The following BORCS8 variants were observed in gnomAD, a reference collection of about 807,000 sequenced individuals.
The protein encoded by BORCS8 is BLOC-1-related complex subunit 8.
A neutral mutation model predicts 18.7 loss-of-function variants in BORCS8; 13 were observed. The ratio of observed to expected loss-of-function variants is 0.70; its 90% CI spans 0.45 to 1.11. The LOEUF (loss-of-function observed/expected upper bound fraction) is 1.11. Ranked by LOEUF, BORCS8 falls within the 50% of genes least tolerant of loss-of-function variation. BORCS8 has a pLI of 0.00. For missense variants in BORCS8, 165 were observed against 165.7 expected (o/e 1.00, Z 0.02); for synonymous variants, 68 against 64.8 (o/e 1.05, Z -0.24).
At chr19:19,178,039 A>C (rs1445099339) in intron 5 of BORCS8, 1 of 152,314 alleles carries the variant, frequency 6.6e-6, no homozygotes, top group Non-Finnish European at 1.5e-5. Context: ...GCCCGCCATC[A>C]CACCCGGCAG....
At position 19,186,113 on chromosome 19, in the gene BORCS8, G is replaced by A; in HGVS notation, c.151-15C>T. The A allele has an allele frequency of 1.3e-6, 2 of 1,551,402 alleles. No individual in the cohort carries two copies. The highest frequency in any genetic ancestry group is 1.2e-5 in the South Asian group (1 of 84,060). The stretch of plus-strand genomic sequence containing the variant: ...TGCATGTCTGCCTGTAGGGGGCGCA[G>A]GAGATATTTGGCAAGGGAGGCCACC... On this transcript the variant is annotated splice_polypyrimidine_tract_variant and intron_variant, in intron 2 of 5. Transcript: ENST00000462790.
intron 4 of BORCS8, chr19:19,181,832 G>A (rs770544495): frequency 4.7e-5 from 46 of 982,188 alleles, no homozygotes; most frequent in Non-Finnish European, 5.3e-5. Context: ...ATCTGTGGGA[G>A]CCAGACGCAT....
chr19:19,184,725 G>A (rs1207312282), intron 3 of BORCS8, among the ~76,000 whole-genome samples: 6 of 151,928 alleles, frequency 3.9e-5, no homozygotes, highest in Non-Finnish European at 8.8e-5. Flanking sequence ...TCAGCATCCC[G>A]AGTAGCTGGG....
At chr19:19,188,324 G>A (rs914198793) in intron 1 of BORCS8, among the ~76,000 whole-genome samples, 4 of 152,120 alleles carry the variant, frequency 2.6e-5, no homozygotes, top group East Asian at 1.9e-4. Flanking sequence ...CACCGCGCCC[G>A]GCTCATTTTT....
intron 1 of BORCS8, among the ~76,000 whole-genome samples, chr19:19,187,773 G>A (rs964328639): frequency 1.3e-5 from 2 of 151,808 alleles, no homozygotes; most frequent in South Asian, 2.1e-4. Flanking sequence ...TCCTGACCTC[G>A]TGATCCGCTC....
chr19:19,177,689 G>GGA lies in BORCS8; in HGVS notation c.*43-230_*43-229insTC, dbSNP rs1398792933. 5.7e-3 allele frequency: 329 copies of GGA among 57,260 alleles called. 16 individuals are homozygous for GGA. The highest frequency in any genetic ancestry group is 0.02 in the African/African-American group (311 of 15,420). The allele number at this position is 57,260 out of a possible 1,614,324, so 3.5% of individuals were successfully genotyped here. On this transcript the variant is annotated intron_variant, in intron 5 of 5. Transcript: ENST00000462790. ...GGAAGGAAGGAAGGAAGGAAGGAAGGAAGGAAGAGAAAAGAAAAGAAAAGA... is the reference window on the plus strand; with the variant it reads ...GGAAGGAAGGAAGGAAGGAAGGAAGGGAAAGGAAGAGAAAAGAAAAGAAAAGA...
At chr19:19,184,230 G>A (rs929421705) in intron 3 of BORCS8, among the ~76,000 whole-genome samples, 3 of 151,394 alleles carry the variant, frequency 2.0e-5, no homozygotes, top group African/African-American at 7.3e-5. Context: ...CATGGCGTAG[G>A]TTCCTGGATT....
intron 3 of BORCS8, among the ~76,000 whole-genome samples, chr19:19,184,610 G>GT (rs999342576): frequency 6.6e-6 from 1 of 150,774 alleles, no homozygotes; most frequent in African/African-American, 2.4e-5. Context: ...TCTGTTTTTT[G>GT]TTTTTTTGAG....
chr19:19,190,467 C>T (rs996274395), intron 1 of BORCS8, among the ~76,000 whole-genome samples: 1 of 152,212 alleles, frequency 6.6e-6, no homozygotes, highest in Non-Finnish European at 1.5e-5. Context: ...TGTGTGACCT[C>T]TTACCAGATA....
rs559165679 is a variant in BORCS8, at chr19:19,187,533, G to A, written c.38-528C>T. On this transcript the variant is annotated intron_variant, in intron 1 of 5. Coordinates refer to ENST00000462790, the MANE Select transcript of BORCS8 (RefSeq NM_001145784.2). ...ACATAATGAGTGATGAGTTCATAACGAGTAAACTTCTTTTTTTTTTTTTTG... is the reference window on the plus strand; with the variant it reads ...ACATAATGAGTGATGAGTTCATAACAAGTAAACTTCTTTTTTTTTTTTTTG... Among the ~76,000 whole-genome samples, 21 of 150,722 alleles carry A rather than the reference G, an allele frequency of 1.4e-4. No homozygotes were observed. The East Asian group carries it at 2.5e-3, about 18-fold the overall frequency.
At chr19:19,186,233 C>T in intron 2 of BORCS8, 135 bp from the exon 3 acceptor site, 1 of 822,448 alleles carries the variant, frequency 1.2e-6, no homozygotes, top group Non-Finnish European at 2.0e-6. Context: ...AACTCCCTTC[C>T]CTCACAGGTC....
chr19:19,181,865 T>C (rs2239370), intron 4 of BORCS8: 553,473 of 984,988 alleles, frequency 0.56, 156,171 homozygotes, highest in East Asian at 0.73. Flanking sequence ...TTCCTGCTCC[T>C]GGCACATGAG....
At chr19:19,181,897 A>G in intron 4 of BORCS8, 1 of 985,448 alleles carries the variant, frequency 1.0e-6, no homozygotes, top group Non-Finnish European at 1.2e-6. Context: ...AAGCGTGTTT[A>G]TTAACTTAGA....
At position 19,182,346 on chromosome 19, in the gene BORCS8, C is replaced by G; in HGVS notation, c.326+227G>C. 1.7e-6 allele frequency: 2 copies of G among 1,183,034 alleles called. No individual in the cohort carries two copies. The highest frequency in any genetic ancestry group is 1.9e-5 in the South Asian group (1 of 51,654). The allele number at this position is 1,183,034 out of a possible 1,614,324, so 73.3% of individuals were successfully genotyped here. A position where few individuals can be genotyped will look rare whatever the true frequency, so the allele number is the denominator to read the frequency against. ...CTGTCTGTCTCGGTCACTGCTATGT[C>G]CCCAGTGCCCAGCCCAGGGCCAGGC... is the stretch of plus-strand genomic sequence containing the variant. On this transcript the variant is annotated intron_variant, in intron 4 of 5. Transcript: ENST00000462790. This position sits in a 1 kb window ranked among gnomAD's most constrained non-coding sequence, Gnocchi z 4.1.
Position 19,192,147 on chromosome 19 carries a change from G to C in BORCS8, c.-30C>G. 2 of 1,550,870 alleles carry C rather than the reference G, an allele frequency of 1.3e-6. No homozygotes were observed. The highest frequency in any genetic ancestry group is 1.7e-6 in the Non-Finnish European group (2 of 1,146,862). On this transcript the variant is annotated 5_prime_UTR_variant, in exon 1 of 6. Transcript: ENST00000462790. ...ACCGCGGCCGAGCGAACCGGGAAAC[G>C]GCACCGGAAGCCCGGAGGTTGGGAC...
intron 1 of BORCS8, among the ~76,000 whole-genome samples, chr19:19,191,313 A>G (rs1487980902): frequency 2.7e-5 from 4 of 150,340 alleles, no homozygotes; most frequent in Non-Finnish European, 4.4e-5. Flanking sequence ...ACAGAGCGAG[A>G]CTCCGTCAAA....
At chr19:19,187,962 C>G (rs2060427036) in intron 1 of BORCS8, among the ~76,000 whole-genome samples, 1 of 152,122 alleles carries the variant, frequency 6.6e-6, no homozygotes, top group Admixed American at 6.6e-5. Flanking sequence ...CACGCCTCAG[C>G]CTCCCGAGGA....
intron 3 of BORCS8, among the ~76,000 whole-genome samples, chr19:19,185,490 A>G (rs1322535354): frequency 6.6e-6 from 1 of 152,206 alleles, no homozygotes; most frequent in African/African-American, 2.4e-5. Context: ...GTTTGAGACC[A>G]GCCTGGCCAA....
chr19:19,192,114 C>T lies in BORCS8; in HGVS notation c.4G>A (p.Glu2Lys). Residue 2 changes from glutamate (E) to lysine (K), a missense_variant, in exon 1 of 6, where the codon GAG (glutamate) becomes AAG (lysine). Coordinates refer to ENST00000462790, the MANE Select transcript of BORCS8 (RefSeq NM_001145784.2). ...CCCTTGAGCTGCATCTCCGGCTCCT[C>T]CATAGCGACCGCGGCCGAGCGAACC... Reference protein sequence around the residue: MEEPEMQLKGKK... With the variant: MKEPEMQLKGKK... 2.6e-6 allele frequency: 4 copies of T among 1,551,392 alleles called. No individual in the cohort carries two copies. Among genetic ancestry groups the T allele is most frequent in the Non-Finnish European group, 3.5e-6 (4 of 1,146,888 alleles).
Sources: allele counts gnomAD v4.1 joint callset (sites outside exome capture counted in the v4.1 genomes callset), GRCh38; gene constraint gnomAD v4.1.1; non-coding constraint Gnocchi (gnomAD v3.1); transcripts MANE v1.5; gene names NCBI Gene and HGNC (gene_info 2026-07-23, HGNC 2026-07-21).